MTUS2: variants seen among roughly 807,000 people sequenced by gnomAD.
The protein encoded by MTUS2 is microtubule-associated tumor suppressor candidate 2.
MTUS2 carries 40 observed loss-of-function variants against 114.1 expected under a neutral mutation model. The ratio of observed to expected loss-of-function variants is 0.35; its 90% confidence interval spans 0.27 to 0.46. The LOEUF (loss-of-function observed/expected upper bound fraction) is 0.46, where lower values mean the gene tolerates loss of function less well. Among genes scored for constraint, MTUS2 ranks in the 20% least tolerant of loss-of-function variants. The probability of loss-of-function intolerance (pLI) is 1.00; values close to 1 mark genes in which losing one functional copy is unlikely to be tolerated. For synonymous variants in MTUS2, 688 were observed against 672.0 expected, an observed-to-expected ratio of 1.02 and a Z score of -0.37; for missense variants, 1,679 against 1,705.4, an observed-to-expected ratio of 0.98 and a Z score of 0.27.
chr13:29,123,717 C>CACACACACACACGCAT (rs1338307070), intron 5 of MTUS2, among the ~76,000 whole-genome samples: 1 of 152,062 alleles, frequency 6.6e-6, no homozygotes, highest in Admixed American at 6.6e-5. Context: ...AAAACAAACA[C>CACACACACACACGCAT]ACACACACAC....
At chr13:29,119,197 G>A (rs1891208511) in intron 5 of MTUS2, among the ~76,000 whole-genome samples, 1 of 152,078 alleles carries the variant, frequency 6.6e-6, no homozygotes, top group Non-Finnish European at 1.5e-5. Flanking sequence ...AGTGCTAACA[G>A]GATAAAATCC....
chr13:29,453,817 A>G (rs1258325861), intron 9 of MTUS2, among the ~76,000 whole-genome samples: 1 of 152,238 alleles, frequency 6.6e-6, no homozygotes, highest in Non-Finnish European at 1.5e-5. Context: ...TATTGCTTGC[A>G]TAAAAAGCAG....
chr13:29,449,710 A>C (rs543580566), intron 9 of MTUS2, among the ~76,000 whole-genome samples: 52 of 152,168 alleles, frequency 3.4e-4, no homozygotes, highest in Admixed American at 1.2e-3. Flanking sequence ...AATATCAGAT[A>C]AACAAAATAA....
At chr13:29,402,789 C>CG (rs1329162199) in intron 8 of MTUS2, among the ~76,000 whole-genome samples, 1 of 152,150 alleles carries the variant, frequency 6.6e-6, no homozygotes, top group African/African-American at 2.4e-5. Flanking sequence ...GATGGAGTCT[C>CG]GCTCTGTCAC....
chr13:28,825,421 C>T (rs1273475507), intron 1 of MTUS2, among the ~76,000 whole-genome samples: 1 of 152,148 alleles, frequency 6.6e-6, no homozygotes, highest in Admixed American at 6.5e-5. Context: ...TATCAGGAAC[C>T]TAGAACAACT....
intron 5 of MTUS2, among the ~76,000 whole-genome samples, chr13:29,228,988 A>G (rs1328957799): frequency 6.6e-6 from 1 of 152,130 alleles, no homozygotes; most frequent in African/African-American, 2.4e-5. Flanking sequence ...AGGATAAGCC[A>G]CTGCACTGCC....
chr13:28,911,637 C>G (rs957865550), intron 2 of MTUS2, among the ~76,000 whole-genome samples: 6 of 152,080 alleles, frequency 3.9e-5, no homozygotes, highest in Non-Finnish European at 7.4e-5. Flanking sequence ...TAAAAGCTTT[C>G]CTTTTTCTCC....
chr13:29,223,379 T>G (rs562472888), intron 5 of MTUS2, among the ~76,000 whole-genome samples: 8 of 152,078 alleles, frequency 5.3e-5, no homozygotes, highest in Non-Finnish European at 1.0e-4. Flanking sequence ...GAACAGATGA[T>G]GGATGCCCTG....
intron 11 of MTUS2, among the ~76,000 whole-genome samples, chr13:29,491,819 G>GGC: frequency 7.0e-6 from 1 of 142,188 alleles, no homozygotes; most frequent in African/African-American, 2.6e-5. Context: ...GTGTGGGGTA[G>GGC]GTGTGTGTGT....
intron 7 of MTUS2, among the ~76,000 whole-genome samples, chr13:29,352,365 A>C (rs1347692447): frequency 6.6e-6 from 1 of 152,226 alleles, no homozygotes; most frequent in East Asian, 1.9e-4. Flanking sequence ...TTAAAGATAG[A>C]ACATTCTGAC....
chr13:29,490,867 A>T (rs1361835735), intron 11 of MTUS2, among the ~76,000 whole-genome samples: 1 of 152,254 alleles, frequency 6.6e-6, no homozygotes, highest in African/African-American at 2.4e-5. Flanking sequence ...AGAAAATAGG[A>T]TTTAATGTTA....
intron 8 of MTUS2, among the ~76,000 whole-genome samples, chr13:29,403,205 C>T (rs1477788812): frequency 6.6e-6 from 1 of 152,154 alleles, no homozygotes; most frequent in Non-Finnish European, 1.5e-5. Flanking sequence ...CAGACTTGTG[C>T]CTTGATAAGA....
intron 5 of MTUS2, among the ~76,000 whole-genome samples, chr13:29,232,273 T>TACACAC (rs1219369857): frequency 5.2e-5 from 6 of 114,990 alleles, no homozygotes; most frequent in African/African-American, 2.2e-4. Flanking sequence ...AGAATATACA[T>TACACAC]ACATACACAC....
chr13:29,417,914 T>G (rs1036567566), intron 8 of MTUS2, among the ~76,000 whole-genome samples: 6 of 152,230 alleles, frequency 3.9e-5, no homozygotes, highest in African/African-American at 1.4e-4. Context: ...GGTTTGCTTC[T>G]TAAGAGTCCT....
chr13:29,148,624 G>T (rs1225587197), intron 5 of MTUS2, among the ~76,000 whole-genome samples: 1 of 114,866 alleles, frequency 8.7e-6, no homozygotes, highest in East Asian at 2.6e-4. Flanking sequence ...GACTACAGGC[G>T]CCCGCCACCA....
chr13:29,292,459 A>T (rs1898757331), intron 6 of MTUS2, among the ~76,000 whole-genome samples: 1 of 152,216 alleles, frequency 6.6e-6, no homozygotes, highest in Admixed American at 6.5e-5. Flanking sequence ...CTTGGATTCA[A>T]AGATAATTAG....
At chr13:29,219,668 G>C (rs1411578241) in intron 5 of MTUS2, among the ~76,000 whole-genome samples, 1 of 152,202 alleles carries the variant, frequency 6.6e-6, no homozygotes. Flanking sequence ...TTTAAAATCT[G>C]TTGTTTAGTG....
chr13:29,218,211 A>G lies in MTUS2; in HGVS notation c.2645-63493A>G, dbSNP rs138188216. On this transcript the variant is annotated intron_variant, in intron 5 of 15. Transcript: ENST00000612955. ...TGTCTTCATGGGGAGTAGATATTCA[A>G]TTTCATGAAACCACTTTCTGTGCTC... 3.4e-3 allele frequency among the ~76,000 whole-genome samples: 521 copies of G among 152,292 alleles called. 4 individuals carry two copies. Among genetic ancestry groups the G allele is most frequent in the African/African-American group, 0.012 (494 of 41,570 alleles).
At chr13:29,343,747 CTGTT>C (rs1868390141) in intron 7 of MTUS2, among the ~76,000 whole-genome samples, 3 of 151,942 alleles carry the variant, frequency 2.0e-5, no homozygotes, top group Admixed American at 2.0e-4. Context: ...CTTAGATTGT[CTGTT>C]TGTCCTCTTT....
Sources: allele counts gnomAD v4.1 joint callset (sites outside exome capture counted in the v4.1 genomes callset), GRCh38; gene constraint gnomAD v4.1.1; transcripts MANE v1.5; gene names NCBI Gene and HGNC (gene_info 2026-07-23, HGNC 2026-07-21).